The following GLI3 variants were observed in gnomAD, a reference collection of about 807,000 sequenced individuals.
GLI3 encodes GLI family zinc finger 3, also known as transcription activator GLI3.
GLI3 carries 20 observed loss-of-function variants against 100.8 expected under a neutral mutation model. The ratio of observed to expected loss-of-function variants is 0.20; its 90% CI spans 0.14 to 0.29. The LOEUF is 0.29. Among genes scored for constraint, GLI3 ranks in the 10% least tolerant of loss-of-function variants. The probability of loss-of-function intolerance (pLI) is 1.00; values close to 1 mark genes in which losing one functional copy is unlikely to be tolerated. For synonymous variants in GLI3, 938 were observed against 860.5 expected (o/e 1.09, Z -1.58); for missense variants, 2,040 against 2,128.5 (o/e 0.96, Z 0.82).
At chr7:41,973,678 T>C (rs1391834620) in intron 12 of GLI3, among the ~76,000 whole-genome samples, 1 of 152,206 alleles carries the variant, frequency 6.6e-6, no homozygotes, top group Admixed American at 6.5e-5. Context: ...ATTACTATAA[T>C]GTACCTATTA....
intron 1 of GLI3, among the ~76,000 whole-genome samples, chr7:42,224,248 C>T (rs1041902040): frequency 9.9e-5 from 15 of 152,186 alleles, no homozygotes; most frequent in African/African-American, 3.6e-4. Context: ...TCATGGAAAG[C>T]ATTTCTTAGG....
intron 3 of GLI3, among the ~76,000 whole-genome samples, chr7:42,082,271 T>C (rs1050164311): frequency 3.9e-5 from 6 of 152,026 alleles, no homozygotes; most frequent in African/African-American, 1.4e-4. Context: ...TCTCCAGTCA[T>C]CATCCTCGTG....
At chr7:41,997,567 TAAAG>T (rs1193565503) in intron 10 of GLI3, among the ~76,000 whole-genome samples, 2 of 152,212 alleles carry the variant, frequency 1.3e-5, no homozygotes, top group African/African-American at 4.8e-5. Flanking sequence ...AATTTAAAAA[TAAAG>T]AGAGAAAGAG....
intron 2 of GLI3, among the ~76,000 whole-genome samples, chr7:42,206,672 T>A (rs912414910): frequency 1.3e-5 from 2 of 152,166 alleles, no homozygotes; most frequent in African/African-American, 2.4e-5. Context: ...TAATAAGAGA[T>A]AATGTGCATT....
At chr7:42,171,405 A>G (rs1293766210) in intron 2 of GLI3, among the ~76,000 whole-genome samples, 2 of 152,242 alleles carry the variant, frequency 1.3e-5, no homozygotes, top group Non-Finnish European at 2.9e-5. Context: ...CCACATCACT[A>G]TGTTTAAGCA....
chr7:42,216,112 G>A (rs999904483), intron 2 of GLI3, among the ~76,000 whole-genome samples: 1 of 152,150 alleles, frequency 6.6e-6, no homozygotes, highest in Non-Finnish European at 1.5e-5. Flanking sequence ...CAGCAATTAC[G>A]TGGTAGGGAT....
chr7:41,964,641 C>G lies in GLI3; in HGVS notation c.4432G>C (p.Glu1478Gln). The G allele has an allele frequency of 6.2e-7, 1 of 1,614,132 alleles. No individual in the cohort carries two copies. The highest frequency in any genetic ancestry group is 8.5e-7 in the Non-Finnish European group (1 of 1,179,936). ...LLQGTSAKNS[E>Q]LLSPGANQVT... ...TGATTAGCACCTGGGGAAAGTAACTCAGAGTTTTTGGCGCTGGTCCCCTGT... is the reference window on the plus strand; with the variant it reads ...TGATTAGCACCTGGGGAAAGTAACTGAGAGTTTTTGGCGCTGGTCCCCTGT... Residue 1478 changes from glutamate to glutamine, a missense_variant, in exon 15 of 15, where the codon GAG becomes CAG. Transcript: ENST00000395925.
chr7:42,247,490 CA>C (rs1261440473), intron 1 of GLI3, among the ~76,000 whole-genome samples: 1 of 152,198 alleles, frequency 6.6e-6, no homozygotes, highest in Non-Finnish European at 1.5e-5. Flanking sequence ...CCTGAGATCT[CA>C]GGGGGATCAA....
At chr7:42,082,998 C>A (rs1272933711) in intron 3 of GLI3, among the ~76,000 whole-genome samples, 1 of 152,128 alleles carries the variant, frequency 6.6e-6, no homozygotes, top group African/African-American at 2.4e-5. Flanking sequence ...CATATCAGGG[C>A]AAATGGGGTA....
At chr7:42,200,769 T>C (rs1282130436) in intron 2 of GLI3, among the ~76,000 whole-genome samples, 2 of 151,594 alleles carry the variant, frequency 1.3e-5, no homozygotes, top group Non-Finnish European at 2.9e-5. Context: ...GGGCAAATCA[T>C]GAGACAGAAG....
chr7:42,029,798 C>T (rs1473123133), intron 7 of GLI3, among the ~76,000 whole-genome samples: 2 of 152,178 alleles, frequency 1.3e-5, no homozygotes, highest in Non-Finnish European at 2.9e-5. Flanking sequence ...CCCCTCTGCA[C>T]CTCCTTGCCC....
intron 2 of GLI3, among the ~76,000 whole-genome samples, chr7:42,167,512 G>T (rs1231928583): frequency 1.3e-5 from 2 of 152,038 alleles, no homozygotes; most frequent in Non-Finnish European, 2.9e-5. Context: ...AGATATGTTT[G>T]GGAATTACTG....
At chr7:42,231,940 A>G (rs1237783247) in intron 1 of GLI3, among the ~76,000 whole-genome samples, 3 of 152,266 alleles carry the variant, frequency 2.0e-5, no homozygotes, top group Middle Eastern at 6.8e-3. Context: ...AAAAATTTCC[A>G]CATGAAAATA....
chr7:42,245,460 A>G (rs1211742336), intron 1 of GLI3, among the ~76,000 whole-genome samples: 3 of 152,072 alleles, frequency 2.0e-5, no homozygotes, highest in Non-Finnish European at 4.4e-5. Context: ...CGGGTGGATC[A>G]TGAGGTCAGG....
intron 2 of GLI3, among the ~76,000 whole-genome samples, chr7:42,186,903 A>C (rs1246679480): frequency 1.3e-5 from 2 of 152,190 alleles, no homozygotes; most frequent in African/African-American, 4.8e-5. Context: ...TAAACCTGAC[A>C]AAATAGCATT....
rs147142242 is a variant in GLI3 at position 42,211,378 on chromosome 7, C to T, written c.124+11752G>A. On this transcript the variant is annotated intron_variant, in intron 2 of 14. Coordinates refer to ENST00000395925, the MANE Select transcript of GLI3 (RefSeq NM_000168.6). ...GCTGTCAACGTTTATAAGAAAGGAA[C>T]TTTTCTACTGCTCTCAAACTTGCCA... 6.7e-3 allele frequency among the ~76,000 whole-genome samples: 1,018 copies of T among 152,220 alleles called. 8 individuals are homozygous for T. The highest frequency in any genetic ancestry group is 0.031 in the South Asian group (147 of 4,816).
At chr7:42,166,076 A>G (rs1351000049) in intron 2 of GLI3, among the ~76,000 whole-genome samples, 1 of 152,192 alleles carries the variant, frequency 6.6e-6, no homozygotes, top group East Asian at 1.9e-4. Context: ...GGTGTCTGCA[A>G]GACCAACTCC....
At chr7:42,006,372 G>A (rs979343232) in intron 10 of GLI3, among the ~76,000 whole-genome samples, 3 of 152,162 alleles carry the variant, frequency 2.0e-5, no homozygotes, top group African/African-American at 7.2e-5. Flanking sequence ...AAGAGGGTGG[G>A]CTGGGAGACA....
intron 3 of GLI3, among the ~76,000 whole-genome samples, chr7:42,107,663 G>A (rs573383645): frequency 6.6e-6 from 1 of 152,232 alleles, no homozygotes; most frequent in East Asian, 1.9e-4. Flanking sequence ...GGATGGGTGG[G>A]GAGTATTTCC....
Sources: gnomAD v4.1 joint callset for allele counts (sites outside exome capture counted in the v4.1 genomes callset) on GRCh38, gnomAD v4.1.1 for gene constraint, MANE v1.5 for transcripts, NCBI Gene and HGNC (gene_info 2026-07-23, HGNC 2026-07-21) for gene names.